The following PLXNA2 variants were observed in gnomAD, a reference collection of about 807,000 sequenced individuals.
The protein encoded by PLXNA2 is plexin-A2.
PLXNA2 carries 91 observed loss-of-function variants against 193.5 expected under a neutral mutation model. That is an observed-to-expected ratio of 0.47 (90% CI 0.40 to 0.56). The LOEUF is 0.56. PLXNA2 is among the 20% of genes least tolerant of loss of function. PLXNA2 has a pLI of 0.00. For missense variants in PLXNA2, 1,995 were observed against 2,503.2 expected, an observed-to-expected ratio of 0.80 and a Z score of 4.33; for synonymous variants, 997 against 1,027.3, an observed-to-expected ratio of 0.97 and a Z score of 0.56.
intron 26 of PLXNA2, among the ~76,000 whole-genome samples, chr1:208,035,609 T>C (rs1374019995): frequency 1.3e-5 from 2 of 152,198 alleles, no homozygotes; most frequent in Non-Finnish European, 2.9e-5. Context: ...ATCCCCAGAA[T>C]CGTGGTGATC....
At chr1:208,050,919 T>C (rs1328703123) in intron 17 of PLXNA2, 90 bp downstream of exon 17, 6 of 896,170 alleles carry the variant, frequency 6.7e-6, no homozygotes, top group Non-Finnish European at 1.1e-5. Context: ...ATTCAGAGGC[T>C]CCAGTGCCTA....
chr1:208,177,721 G>T lies in PLXNA2; in HGVS notation c.1371+32559C>A, dbSNP rs568065459. On this transcript the variant is annotated intron_variant, in intron 3 of 31. Coordinates refer to ENST00000367033, the MANE Select transcript of PLXNA2 (RefSeq NM_025179.4). ...CAATGGGCTGTAGAACTAGATAAGTGGTTCTCAACCGTGGTCCCCAGAGCA... is the reference window on the plus strand; with the variant it reads ...CAATGGGCTGTAGAACTAGATAAGTTGTTCTCAACCGTGGTCCCCAGAGCA... Among the ~76,000 whole-genome samples the T allele has an allele frequency of 5.9e-5, 9 of 152,364 alleles. No homozygotes were observed. In the East Asian group the frequency reaches 1.3e-3, roughly 23 times the overall value.
intron 3 of PLXNA2, among the ~76,000 whole-genome samples, chr1:208,202,303 T>G (rs1039723483): frequency 4.6e-5 from 7 of 152,190 alleles, no homozygotes; most frequent in African/African-American, 1.7e-4. Context: ...TTGACAGTTT[T>G]ATTTTCTACT....
chr1:208,050,969 T>C (rs966398988), intron 17 of PLXNA2, 40 bp downstream of exon 17: 1 of 1,424,266 alleles, frequency 7.0e-7, no homozygotes, highest in African/African-American at 1.4e-5. Context: ...AACACAGAGC[T>C]GTGTTTACCA....
chr1:208,222,037 GA>G (rs1671353812), intron 1 of PLXNA2, among the ~76,000 whole-genome samples: 1 of 152,282 alleles, frequency 6.6e-6, no homozygotes, highest in Middle Eastern at 3.4e-3. Context: ...AAGTGTTTAA[GA>G]TACATTAGCC....
intron 3 of PLXNA2, among the ~76,000 whole-genome samples, chr1:208,206,459 C>A (rs1310103458): frequency 6.6e-6 from 1 of 152,258 alleles, no homozygotes; most frequent in East Asian, 1.9e-4. Context: ...TCCCCTCTTA[C>A]CTGTCCAAGT....
intron 29 of PLXNA2, 90 bp from the exon 30 acceptor site, chr1:208,029,132 T>C: frequency 1.9e-6 from 3 of 1,559,692 alleles, no homozygotes; most frequent in South Asian, 2.4e-5. Flanking sequence ...AAAGGTCAAA[T>C]TGTCCACCTG....
rs1374501732 is a variant in PLXNA2 at position 208,186,869 on chromosome 1, G to A, written c.1371+23411C>T. 3.3e-5 allele frequency among the ~76,000 whole-genome samples: 5 copies of A among 151,184 alleles called. No individual in the cohort carries two copies. In the South Asian group the frequency reaches 6.3e-4, roughly 19 times the overall value. On this transcript the variant is annotated intron_variant, in intron 3 of 31. Coordinates refer to ENST00000367033, the MANE Select transcript of PLXNA2 (RefSeq NM_025179.4). Reference sequence around the variant, plus strand: ...CGAGTAGCTGGGACTACAGGCGCCCGCCACCGCGCCCGGCTAATTTTTTTT... The same window carrying A: ...CGAGTAGCTGGGACTACAGGCGCCCACCACCGCGCCCGGCTAATTTTTTTT...
intron 2 of PLXNA2, among the ~76,000 whole-genome samples, chr1:208,213,846 G>A (rs531538708): frequency 6.6e-6 from 1 of 152,316 alleles, no homozygotes; most frequent in Non-Finnish European, 1.5e-5. Context: ...TCCACTCTAA[G>A]GTCCTGGCCC....
intron 3 of PLXNA2, among the ~76,000 whole-genome samples, chr1:208,191,826 G>A (rs949131407): frequency 6.6e-6 from 1 of 152,216 alleles, no homozygotes; most frequent in Non-Finnish European, 1.5e-5. Flanking sequence ...TGGTGTATCA[G>A]CATGTGGAAG....
At chr1:208,133,257 C>A (rs1668213281) in intron 4 of PLXNA2, among the ~76,000 whole-genome samples, 1 of 152,200 alleles carries the variant, frequency 6.6e-6, no homozygotes, top group African/African-American at 2.4e-5. Flanking sequence ...TAGTACATCT[C>A]TTCTACAGCA....
Position 208,038,261 on chromosome 1 carries a change from G to A in PLXNA2, c.4764+110C>T. On this transcript the variant is annotated intron_variant, in intron 26 of 31. Coordinates refer to ENST00000367033, the MANE Select transcript of PLXNA2 (RefSeq NM_025179.4). The surrounding 1 kb of genome is among the most constrained non-coding windows in gnomAD (Gnocchi z 4.1). Reference sequence around the variant, plus strand: ...CTGTTCTATGCTCCAGCAGGAGGAGGAAAGCAGGGAGAGGAAAATCCTTTT... The same window carrying A: ...CTGTTCTATGCTCCAGCAGGAGGAGAAAAGCAGGGAGAGGAAAATCCTTTT... 6 of 759,374 alleles carry A rather than the reference G, an allele frequency of 7.9e-6. No homozygotes were observed. In the South Asian group the frequency reaches 9.3e-5, roughly 12 times the overall value. The allele number at this position is 759,374 out of a possible 1,614,324, so 47.0% of individuals were successfully genotyped here. A position where few individuals can be genotyped will look rare whatever the true frequency, so the allele number is the denominator to read the frequency against.
At chr1:208,130,583 G>A (rs1473663674) in intron 4 of PLXNA2, among the ~76,000 whole-genome samples, 1 of 152,182 alleles carries the variant, frequency 6.6e-6, no homozygotes, top group Non-Finnish European at 1.5e-5. Flanking sequence ...CAATGTCATT[G>A]CCGCAAGGGG....
chr1:208,209,916 C>A (rs139331782), intron 3 of PLXNA2: 1 of 231,016 alleles, frequency 4.3e-6, no homozygotes, highest in Non-Finnish European at 8.3e-6. Flanking sequence ...GAGGGATTTG[C>A]GATTTTGGAG....
chr1:208,097,864 G>A (rs1465855030), intron 6 of PLXNA2, among the ~76,000 whole-genome samples: 1 of 151,850 alleles, frequency 6.6e-6, no homozygotes, highest in East Asian at 1.9e-4. Context: ...GTTTCCCTTT[G>A]TTTTATTTTT....
At chr1:208,048,148 C>T (rs964180735) in intron 17 of PLXNA2, among the ~76,000 whole-genome samples, 3 of 152,182 alleles carry the variant, frequency 2.0e-5, no homozygotes, top group African/African-American at 4.8e-5. Flanking sequence ...GCAAATCACT[C>T]CCAAGCAAGA....
At position 208,044,641 on chromosome 1, in the gene PLXNA2, G is replaced by A. The variant is rs1307960313; in HGVS notation, c.3741C>T (p.Ser1247=). ...CGATGATGACGATGATGAGGAGGAG[G>A]CTGCCGCCGGCCGCGATGCTGACGA... ...PAIVSIAAGG[S]LLLIIVIIVL... is the part of the protein sequence containing the mutation. The change falls in exon 20 of 32, where the codon AGC becomes AGT. Residue 1247 remains serine, a synonymous_variant. Coordinates refer to ENST00000367033, the MANE Select transcript of PLXNA2 (RefSeq NM_025179.4). The surrounding 1 kb of genome is among the most constrained non-coding windows in gnomAD (Gnocchi z 4.9). 2 of 1,613,904 alleles carry A rather than the reference G, an allele frequency of 1.2e-6. No individual in the cohort carries two copies. Among genetic ancestry groups the A allele is most frequent in the Non-Finnish European group, 1.7e-6 (2 of 1,179,964 alleles).
At chr1:208,197,033 A>G (rs905289241) in intron 3 of PLXNA2, among the ~76,000 whole-genome samples, 3 of 152,234 alleles carry the variant, frequency 2.0e-5, no homozygotes, top group Admixed American at 2.0e-4. Context: ...TGACCTTTTT[A>G]AAGACAAGAA....
chr1:208,224,985 G>T (rs1055001462), intron 1 of PLXNA2, among the ~76,000 whole-genome samples: 1 of 152,082 alleles, frequency 6.6e-6, no homozygotes, highest in African/African-American at 2.4e-5. Context: ...TCAAAATCTC[G>T]ATCAGTAATA....
Sources: allele counts gnomAD v4.1 joint callset (sites outside exome capture counted in the v4.1 genomes callset), GRCh38; gene constraint gnomAD v4.1.1; non-coding constraint Gnocchi (gnomAD v3.1); transcripts MANE v1.5; gene names NCBI Gene and HGNC (gene_info 2026-07-23, HGNC 2026-07-21).